The following STXBP6 variants were observed in gnomAD, a reference collection of about 807,000 sequenced individuals.
The protein encoded by STXBP6 is syntaxin binding protein 6, also known as syntaxin-binding protein 6.
Under a neutral mutation model 26.9 loss-of-function variants are expected in STXBP6, and 21 were observed. The observed-to-expected ratio is 0.78, with a 90% confidence interval of 0.55 to 1.12. The LOEUF (loss-of-function observed/expected upper bound fraction) is 1.12. Ranked by LOEUF, STXBP6 falls within the 50% of genes most tolerant of loss-of-function variation. The pLI is 0.00. For missense variants in STXBP6, 232 were observed against 257.9 expected, an observed-to-expected ratio of 0.90 and a Z score of 0.69; for synonymous variants, 97 against 92.6, an observed-to-expected ratio of 1.05 and a Z score of -0.27.
At chr14:24,995,618 A>G (rs551301851) in intron 1 of STXBP6, among the ~76,000 whole-genome samples, 1 of 152,316 alleles carries the variant, frequency 6.6e-6, no homozygotes, top group South Asian at 2.1e-4. Context: ...ACTTCCTAAC[A>G]AAACTGGTAA....
intron 1 of STXBP6, among the ~76,000 whole-genome samples, chr14:25,030,448 A>G (rs1276318210): frequency 2.0e-5 from 3 of 152,178 alleles, no homozygotes; most frequent in Admixed American, 1.3e-4. Context: ...CCCTTTTTTG[A>G]GGCCAATATT....
intron 2 of STXBP6, among the ~76,000 whole-genome samples, chr14:24,909,714 C>G (rs1021995419): frequency 1.3e-5 from 2 of 151,162 alleles, no homozygotes; most frequent in Non-Finnish European, 3.0e-5. Flanking sequence ...TTGTACTTAC[C>G]AGATATGAGA....
chr14:24,976,768 G>T (rs555170771), intron 1 of STXBP6, among the ~76,000 whole-genome samples: 1 of 145,286 alleles, frequency 6.9e-6, no homozygotes, highest in South Asian at 2.3e-4. Flanking sequence ...AGGTGAAAAA[G>T]AAAGCCAGTG....
intron 2 of STXBP6, among the ~76,000 whole-genome samples, chr14:24,942,778 TC>T (rs2072847612): frequency 6.6e-6 from 1 of 152,208 alleles, no homozygotes; most frequent in Non-Finnish European, 1.5e-5. Context: ...TGTGGCCTAG[TC>T]CCAATCCCAC....
chr14:24,933,507 A>G (rs2072495761), intron 2 of STXBP6, among the ~76,000 whole-genome samples: 1 of 152,220 alleles, frequency 6.6e-6, no homozygotes, highest in African/African-American at 2.4e-5. Context: ...CAATTTCTGC[A>G]TGTACTGAGG....
At chr14:24,974,969 T>A (rs545658744) in intron 1 of STXBP6, 119 bp from the exon 2 acceptor site, 3 of 588,464 alleles carry the variant, frequency 5.1e-6, no homozygotes, top group Non-Finnish European at 8.2e-6. Flanking sequence ...TTTAATCTCA[T>A]AATTGCTTGA....
intron 2 of STXBP6, among the ~76,000 whole-genome samples, chr14:24,900,364 G>A (rs1049547659): frequency 2.6e-5 from 4 of 152,058 alleles, no homozygotes; most frequent in African/African-American, 9.7e-5. Context: ...GTAAAACATC[G>A]GACTCCAACA....
chr14:24,877,687 T>C (rs2070196360), intron 2 of STXBP6, among the ~76,000 whole-genome samples: 2 of 152,198 alleles, frequency 1.3e-5, no homozygotes. Flanking sequence ...CCCCCACTGA[T>C]GGATAGTGAG....
chr14:24,933,069 TGGAGGCTCAA>T (rs1474543392), intron 2 of STXBP6, among the ~76,000 whole-genome samples: 1 of 152,184 alleles, frequency 6.6e-6, no homozygotes, highest in Non-Finnish European at 1.5e-5. Flanking sequence ...GGGCTGGGCA[TGGAGGCTCAA>T]GCCTGTAATC....
chr14:24,821,197 A>C (rs2068122713), intron 4 of STXBP6, among the ~76,000 whole-genome samples: 2 of 152,208 alleles, frequency 1.3e-5, no homozygotes, highest in South Asian at 4.1e-4. Flanking sequence ...GACTGGGAAA[A>C]GATAGGGCAG....
intron 2 of STXBP6, among the ~76,000 whole-genome samples, chr14:24,901,953 G>A (rs1266360039): frequency 6.6e-6 from 1 of 152,140 alleles, no homozygotes; most frequent in Non-Finnish European, 1.5e-5. Flanking sequence ...GTTCGCATAT[G>A]TAAAATATCA....
At chr14:24,886,395 CTG>C (rs2070589348) in intron 2 of STXBP6, among the ~76,000 whole-genome samples, 1 of 152,102 alleles carries the variant, frequency 6.6e-6, no homozygotes, top group African/African-American at 2.4e-5. Context: ...ATAACAGTAA[CTG>C]TAAATCCAAG....
chr14:24,917,599 A>C (rs536178625), intron 2 of STXBP6, among the ~76,000 whole-genome samples: 1 of 152,124 alleles, frequency 6.6e-6, no homozygotes, highest in Non-Finnish European at 1.5e-5. Context: ...ATATACAAAA[A>C]TTAACCTGAA....
intron 2 of STXBP6, among the ~76,000 whole-genome samples, chr14:24,933,839 A>C (rs2072506717): frequency 6.6e-6 from 1 of 152,212 alleles, no homozygotes; most frequent in African/African-American, 2.4e-5. Flanking sequence ...TAAAAAAGAA[A>C]CCTAAAATAT....
In STXBP6 at chr14:24,854,826, T is replaced by C. The variant is rs373346283; in HGVS notation, c.451+1110A>G. Reference sequence around the variant, plus strand: ...CTTTCCTTTAAACATCTATGTCTAATATTTTTCACTTTTGTACCATAGGAT... The same window carrying C: ...CTTTCCTTTAAACATCTATGTCTAACATTTTTCACTTTTGTACCATAGGAT... On this transcript the variant is annotated intron_variant, in intron 4 of 5. Coordinates refer to ENST00000323944, the MANE Select transcript of STXBP6 (RefSeq NM_001394410.1). Among the ~76,000 whole-genome samples, 13 of 152,236 alleles carry C rather than the reference T, an allele frequency of 8.5e-5. No individual in the cohort carries two copies. In the East Asian group the frequency reaches 1.9e-3, roughly 23 times the overall value.
At chr14:24,916,450 C>G (rs2071768545) in intron 2 of STXBP6, among the ~76,000 whole-genome samples, 1 of 152,104 alleles carries the variant, frequency 6.6e-6, no homozygotes, top group Non-Finnish European at 1.5e-5. Flanking sequence ...GTCTTTGCAA[C>G]TGAGTAATTA....
intron 1 of STXBP6, among the ~76,000 whole-genome samples, chr14:24,978,105 A>G (rs560563249): frequency 6.6e-6 from 1 of 152,358 alleles, no homozygotes; most frequent in South Asian, 2.1e-4. Context: ...AAGAATCAGA[A>G]AGTAAAAGGG....
chr14:24,985,554 G>A (rs1049556558), intron 1 of STXBP6, among the ~76,000 whole-genome samples: 3 of 152,156 alleles, frequency 2.0e-5, no homozygotes, highest in Non-Finnish European at 2.9e-5. Flanking sequence ...TTACCTTCCT[G>A]TTCCCACTTT....
chr14:24,878,817 T>G (rs2070245856), intron 2 of STXBP6: 3 of 449,592 alleles, frequency 6.7e-6, no homozygotes, highest in African/African-American at 6.0e-5. Context: ...TTGATATCTG[T>G]GTAAACAGAT....
Sources: allele counts gnomAD v4.1 joint callset (sites outside exome capture counted in the v4.1 genomes callset), GRCh38; gene constraint gnomAD v4.1.1; transcripts MANE v1.5; gene names NCBI Gene and HGNC (gene_info 2026-07-23, HGNC 2026-07-21).